The following SYNPR variants were observed in gnomAD, a reference collection of about 807,000 sequenced individuals.
SYNPR encodes the protein synaptoporin.
Under a neutral mutation model 32.9 loss-of-function variants are expected in SYNPR, and 23 were observed. The observed-to-expected ratio is 0.70, with a 90% CI of 0.50 to 0.99. SYNPR has a LOEUF of 0.99. Ranked by LOEUF, SYNPR falls within the 50% of genes least tolerant of loss-of-function variation. The pLI is 0.00. For synonymous variants in SYNPR, 146 were observed against 135.9 expected (o/e 1.07, Z -0.52); for missense variants, 318 against 349.3 (o/e 0.91, Z 0.71).
chr3:63,220,579 C>A, the SYNPR span, among the ~76,000 whole-genome samples: 1 of 152,178 alleles, frequency 6.6e-6, no homozygotes, highest in Non-Finnish European at 1.5e-5. Flanking sequence ...TTCCTGGTCA[C>A]TTTCTGTGGG....
chr3:63,414,722 C>T (rs2088516820), intron 2 of SYNPR, among the ~76,000 whole-genome samples: 1 of 152,184 alleles, frequency 6.6e-6, no homozygotes, highest in Non-Finnish European at 1.5e-5. Flanking sequence ...ATGTAAGTCT[C>T]ATTACCAACT....
intron 2 of SYNPR, among the ~76,000 whole-genome samples, chr3:63,480,272 G>A (rs1239921889): frequency 1.3e-5 from 2 of 152,176 alleles, no homozygotes; most frequent in Admixed American, 1.3e-4. Context: ...AAAGTTGGAA[G>A]CTGAAATATA....
Position 63,252,297 on chromosome 3 carries a change from G to A in SYNPR, n.67-202G>A, listed in dbSNP as rs141717780. Among the ~76,000 whole-genome samples, 143 of 152,066 alleles carry A rather than the reference G, an allele frequency of 9.4e-4. 1 individual carries two copies. The highest frequency in any genetic ancestry group is 3.4e-3 in the Middle Eastern group (1 of 294). On this transcript the variant is annotated intron_variant and non_coding_transcript_variant, in intron 1 of 4. Transcript: ENST00000478456. ...AAGGTTTCTTATAAACTAAAATCAC[G>A]TATTCCTTTTATAATACATAATAAA...
chr3:63,263,473 G>T (rs373241944), intron 2 of SYNPR, among the ~76,000 whole-genome samples: 3 of 152,192 alleles, frequency 2.0e-5, no homozygotes, highest in Non-Finnish European at 4.4e-5. Flanking sequence ...ATAATGAACC[G>T]TTCTAAAACT....
At chr3:63,490,323 G>A (rs1701235719) in intron 3 of SYNPR, among the ~76,000 whole-genome samples, 1 of 152,138 alleles carries the variant, frequency 6.6e-6, no homozygotes, top group Non-Finnish European at 1.5e-5. Context: ...GCTGGATCCT[G>A]TAGGGTGCTG....
At chr3:63,379,402 A>T (rs36067702) in intron 2 of SYNPR, among the ~76,000 whole-genome samples, 19,362 of 152,078 alleles carry the variant, frequency 0.13, 2,059 homozygotes, top group East Asian at 0.58. Flanking sequence ...TTCATCAATT[A>T]TTGGAAGGAG....
chr3:63,609,412 C>T lies in SYNPR; in HGVS notation c.600+96C>T, dbSNP rs78562621. 2,369 of 1,168,522 alleles carry T rather than the reference C, an allele frequency of 2.0e-3. 80 individuals are homozygous for T. The East Asian group carries it at 0.058, about 29-fold the overall frequency. The allele number at this position is 1,168,522 out of a possible 1,614,324, so 72.4% of individuals were successfully genotyped here. ...TCAGAAGTCATCTTGAAAATTGTTG[C>T]CTACAAAACTAGGCCAATCAAAAGG... is the stretch of plus-strand genomic sequence containing the variant. On this transcript the variant is annotated intron_variant, in intron 5 of 5. Transcript: ENST00000478300.
At chr3:63,498,655 G>T (rs1030884380) in intron 3 of SYNPR, among the ~76,000 whole-genome samples, 1 of 152,142 alleles carries the variant, frequency 6.6e-6, no homozygotes, top group Non-Finnish European at 1.5e-5. Context: ...GAAGAGGCCT[G>T]GTGTGGTAAA....
intron 2 of SYNPR, among the ~76,000 whole-genome samples, chr3:63,295,933 G>C (rs1353181638): frequency 6.6e-6 from 1 of 152,174 alleles, no homozygotes; most frequent in African/African-American, 2.4e-5. Flanking sequence ...TTTTGGGAGA[G>C]ATTCAGTTTC....
At chr3:63,204,575 C>A in the SYNPR span, among the ~76,000 whole-genome samples, 1 of 152,208 alleles carries the variant, frequency 6.6e-6, no homozygotes, top group Admixed American at 6.5e-5. Context: ...CAACTAGTAA[C>A]AACACATTTG....
At chr3:63,378,989 GATA>G (rs1451370532) in intron 2 of SYNPR, among the ~76,000 whole-genome samples, 1 of 152,082 alleles carries the variant, frequency 6.6e-6, no homozygotes, top group African/African-American at 2.4e-5. Context: ...TACACATTGT[GATA>G]ATGTGTTTTT....
chr3:63,561,909 C>T (rs1420090291), intron 4 of SYNPR, among the ~76,000 whole-genome samples: 1 of 152,090 alleles, frequency 6.6e-6, no homozygotes, highest in Non-Finnish European at 1.5e-5. Flanking sequence ...CAAGATTGCC[C>T]ACCTTTAAGT....
chr3:63,575,821 T>C (rs559977114), intron 4 of SYNPR, among the ~76,000 whole-genome samples: 55 of 152,250 alleles, frequency 3.6e-4, no homozygotes, highest in Non-Finnish European at 5.6e-4. Context: ...GGTTTATGGC[T>C]TTTCCAAGCC....
intron 4 of SYNPR, among the ~76,000 whole-genome samples, chr3:63,559,418 G>A (rs1463986968): frequency 6.6e-6 from 1 of 152,080 alleles, no homozygotes; most frequent in Non-Finnish European, 1.5e-5. Flanking sequence ...ATTTGCAACT[G>A]TTTGAACTTT....
chr3:63,274,846 G>A (rs1450578668), upstream of SYNPR, among the ~76,000 whole-genome samples: 1 of 152,082 alleles, frequency 6.6e-6, no homozygotes, highest in Non-Finnish European at 1.5e-5. Context: ...CCCCCACCTC[G>A]TTGTGACAAT....
chr3:63,499,666 G>C (rs114245370), intron 3 of SYNPR, among the ~76,000 whole-genome samples: 3 of 152,276 alleles, frequency 2.0e-5, no homozygotes, highest in Non-Finnish European at 4.4e-5. Context: ...TCCTGTGACA[G>C]AGACGGGAGG....
intron 4 of SYNPR, among the ~76,000 whole-genome samples, chr3:63,568,132 A>G (rs983492819): frequency 6.6e-6 from 1 of 152,216 alleles, no homozygotes; most frequent in Non-Finnish European, 1.5e-5. Context: ...GTGAGGTTAA[A>G]TGCCATTGAG....
intron 2 of SYNPR, among the ~76,000 whole-genome samples, chr3:63,393,569 C>G (rs2088172192): frequency 7.5e-6 from 1 of 133,652 alleles, no homozygotes; most frequent in Admixed American, 8.4e-5. Context: ...GTGATCATGG[C>G]TCACTGCAGC....
At chr3:63,301,643 T>A (rs968530563) in intron 2 of SYNPR, among the ~76,000 whole-genome samples, 1 of 140,964 alleles carries the variant, frequency 7.1e-6, no homozygotes, top group African/African-American at 3.2e-5. Context: ...AAATGACATA[T>A]TATAATTTGT....
Sources: allele counts gnomAD v4.1 joint callset (sites outside exome capture counted in the v4.1 genomes callset), GRCh38; gene constraint gnomAD v4.1.1; transcripts MANE v1.5; gene names NCBI Gene and HGNC (gene_info 2026-07-23, HGNC 2026-07-21).